The following ZMAT5 variants were observed in gnomAD, a reference collection of about 807,000 sequenced individuals.
ZMAT5 encodes the protein zinc finger matrin-type protein 5.
In ZMAT5, 23 loss-of-function variants were observed where a neutral mutation model predicts 28.0. The ratio of observed to expected loss-of-function variants is 0.82; its 90% CI spans 0.59 to 1.16. ZMAT5 has a LOEUF of 1.16. ZMAT5 is among the 50% of genes most tolerant of loss of function. The probability of loss-of-function intolerance (pLI) is 0.00; values close to 1 mark genes in which losing one functional copy is unlikely to be tolerated. For synonymous variants in ZMAT5, 76 were observed against 84.1 expected, an observed-to-expected ratio of 0.90 and a Z score of 0.52; for missense variants, 173 against 212.7, an observed-to-expected ratio of 0.81 and a Z score of 1.16.
intron 3 of ZMAT5, 137 bp downstream of exon 3, chr22:29,742,281 A>G: frequency 1.3e-6 from 1 of 768,634 alleles, no homozygotes; most frequent in Non-Finnish European, 2.2e-6. Flanking sequence ...CTGACTGGCC[A>G]GTCAGCTGGA....
Position 29,748,604 on chromosome 22 carries a change from T to C in ZMAT5, c.-27-33A>G, listed in dbSNP as rs528939129. 4.0e-5 allele frequency: 65 copies of C among 1,609,350 alleles called. 1 individual carries two copies. The highest frequency in any genetic ancestry group is 4.0e-4 in the Middle Eastern group (2 of 5,004). ...GCCACAAAGAGCTCAGATTAGACCA[T>C]TGGAGAAAACACATCCCTCACCAGC... On this transcript the variant is annotated intron_variant, in intron 1 of 5. Coordinates refer to ENST00000344318, the MANE Select transcript of ZMAT5 (RefSeq NM_001003692.2).
At chr22:29,733,589 C>T (rs1165002618) in intron 5 of ZMAT5, among the ~76,000 whole-genome samples, 1 of 152,186 alleles carries the variant, frequency 6.6e-6, no homozygotes, top group Non-Finnish European at 1.5e-5. Context: ...TCATAAACTC[C>T]ACCAGCCGCA....
At chr22:29,731,522 C>T in intron 5 of ZMAT5, 168 bp from the exon 6 acceptor site, 2 of 835,228 alleles carry the variant, frequency 2.4e-6, no homozygotes, top group Non-Finnish European at 3.5e-6. Context: ...GAGCCAGCGA[C>T]CTCACCTCTA....
chr22:29,738,252 T>C lies in ZMAT5; in HGVS notation c.383+78A>G, dbSNP rs1360202659. On this transcript the variant is annotated intron_variant, in intron 5 of 5. Transcript: ENST00000344318. ...GGCCTGGGCAGTTCATGGAGATTCC[T>C]GAGCCTCAGGAAGGGGAAGGCGGGC... 4 of 1,360,458 alleles carry C rather than the reference T, an allele frequency of 2.9e-6. No individual in the cohort carries two copies. The African/African-American group carries it at 4.3e-5, about 15-fold the overall frequency. 84.3% of individuals were successfully genotyped at this position (1,360,458 alleles called of 1,614,324 possible).
intron 1 of ZMAT5, among the ~76,000 whole-genome samples, chr22:29,757,993 C>T (rs1319726923): frequency 6.0e-5 from 9 of 150,556 alleles, no homozygotes; most frequent in Non-Finnish European, 1.2e-4. Context: ...CCAGCCTGGG[C>T]AAGAGAATGA....
intron 4 of ZMAT5, among the ~76,000 whole-genome samples, chr22:29,738,921 G>A (rs2067934466): frequency 6.6e-6 from 1 of 152,078 alleles, no homozygotes. Flanking sequence ...TGAGGCAGGA[G>A]AATCGCTTGA....
intron 4 of ZMAT5, among the ~76,000 whole-genome samples, chr22:29,739,598 C>A (rs1224641618): frequency 6.6e-6 from 1 of 152,242 alleles, no homozygotes; most frequent in African/African-American, 2.4e-5. Context: ...CTGTTCCCAG[C>A]CTCCCTGGGC....
intron 1 of ZMAT5, among the ~76,000 whole-genome samples, chr22:29,750,858 G>A (rs1305139912): frequency 1.3e-5 from 2 of 152,188 alleles, no homozygotes; most frequent in Non-Finnish European, 2.9e-5. Flanking sequence ...GCAGGTTGAT[G>A]GAGAAAGCCA....
chr22:29,740,595 G>A (rs547918634), intron 4 of ZMAT5, 55 bp downstream of exon 4: 2 of 1,522,172 alleles, frequency 1.3e-6, no homozygotes, highest in Non-Finnish European at 1.8e-6. Context: ...CGGTCTCAGA[G>A]CCCACATGCC....
chr22:29,760,185 A>G (rs915961370), intron 1 of ZMAT5, among the ~76,000 whole-genome samples: 13 of 151,990 alleles, frequency 8.6e-5, no homozygotes, highest in African/African-American at 2.9e-4. Flanking sequence ...TGGGCAACAG[A>G]GCGAGATTCC....
intron 2 of ZMAT5, among the ~76,000 whole-genome samples, chr22:29,745,355 A>T (rs2068000153): frequency 6.6e-6 from 1 of 152,200 alleles, no homozygotes; most frequent in Non-Finnish European, 1.5e-5. Flanking sequence ...TGCAGCTGGA[A>T]GGGAGAGGCC....
intron 1 of ZMAT5, among the ~76,000 whole-genome samples, chr22:29,753,965 C>T (rs1569339650): frequency 6.6e-6 from 1 of 152,096 alleles, no homozygotes; most frequent in Non-Finnish European, 1.5e-5. Flanking sequence ...CCTCTGGACA[C>T]ATGCAGCGCC....
At chr22:29,736,719 CAAAAAAAAA>C (rs35069848) in intron 5 of ZMAT5, among the ~76,000 whole-genome samples, 1 of 25,264 alleles carries the variant, frequency 4.0e-5, no homozygotes, top group Non-Finnish European at 7.0e-5. Context: ...GACTCCATCT[CAAAAAAAAA>C]AAAAAAAAAA....
chr22:29,747,272 T>C (rs1406375013), intron 2 of ZMAT5: 1 of 152,222 alleles, frequency 6.6e-6, no homozygotes, highest in East Asian at 1.9e-4. Context: ...CATTCCTTGT[T>C]TGTGAACTCT....
At chr22:29,738,236 A>C in intron 5 of ZMAT5, 94 bp downstream of exon 5, 2 of 1,183,910 alleles carry the variant, frequency 1.7e-6, no homozygotes, top group Non-Finnish European at 2.4e-6. Flanking sequence ...GGGCCTGGGC[A>C]GTTCATGGAG....
intron 1 of ZMAT5, among the ~76,000 whole-genome samples, chr22:29,762,500 C>G (rs749457835): frequency 2.0e-5 from 3 of 152,160 alleles, no homozygotes; most frequent in Non-Finnish European, 4.4e-5. Flanking sequence ...CCTGTCAGAT[C>G]ATCGGCAGCA....
chr22:29,761,776 G>A (rs1368792803), intron 1 of ZMAT5, among the ~76,000 whole-genome samples: 1 of 152,160 alleles, frequency 6.6e-6, no homozygotes. Flanking sequence ...TAGAGTTAGT[G>A]ACAAAATATA....
chr22:29,741,482 T>C (rs2067962414), intron 3 of ZMAT5, among the ~76,000 whole-genome samples: 1 of 152,220 alleles, frequency 6.6e-6, no homozygotes, highest in Non-Finnish European at 1.5e-5. Flanking sequence ...CATCATAGTT[T>C]TCCTCTTTGC....
intron 1 of ZMAT5, among the ~76,000 whole-genome samples, chr22:29,763,292 C>CAATAAATAAATAAATAAATA (rs201954354): frequency 0.078 from 11,002 of 140,408 alleles, 594 homozygotes; most frequent in Non-Finnish European, 0.11. Flanking sequence ...GACTCTGCCT[C>CAATAAATAAATAAATAAATA]AATAAATAAA....
Sources: allele counts gnomAD v4.1 joint callset (sites outside exome capture counted in the v4.1 genomes callset), GRCh38; gene constraint gnomAD v4.1.1; transcripts MANE v1.5; gene names NCBI Gene and HGNC (gene_info 2026-07-23, HGNC 2026-07-21).